KDM2A: variants seen among roughly 807,000 people sequenced by gnomAD.
KDM2A encodes lysine-specific demethylase 2A.
KDM2A carries 3 observed loss-of-function variants against 137.3 expected under a neutral mutation model. That is an observed-to-expected ratio of 0.02 (90% CI 0.01 to 0.06). The LOEUF (loss-of-function observed/expected upper bound fraction) is 0.06, where lower values mean the gene tolerates loss of function less well. KDM2A is among the 10% of genes least tolerant of loss of function. The pLI is 1.00. For missense variants in KDM2A, 738 were observed against 1,510.6 expected, an observed-to-expected ratio of 0.49 and a Z score of 8.48; for synonymous variants, 512 against 541.5, an observed-to-expected ratio of 0.95 and a Z score of 0.76.
chr11:67,136,954 A>G (rs987379473), intron 2 of KDM2A, among the ~76,000 whole-genome samples: 1 of 152,236 alleles, frequency 6.6e-6, no homozygotes, highest in Non-Finnish European at 1.5e-5. Flanking sequence ...CAGTAACAGT[A>G]TATGATAGAG....
chr11:67,200,758 C>T (rs1191227956), intron 5 of KDM2A, among the ~76,000 whole-genome samples: 1 of 152,178 alleles, frequency 6.6e-6, no homozygotes, highest in African/African-American at 2.4e-5. Context: ...TTGCCTGCCT[C>T]AGCTTCCCAA....
At chr11:67,192,443 T>G (rs1043562440) in intron 5 of KDM2A, among the ~76,000 whole-genome samples, 2 of 125,872 alleles carry the variant, frequency 1.6e-5, no homozygotes, top group Non-Finnish European at 3.2e-5. Context: ...CTTTTTTTTT[T>G]TTTTTTTTTT....
intron 2 of KDM2A, among the ~76,000 whole-genome samples, chr11:67,157,090 G>A (rs374218955): frequency 1.3e-5 from 2 of 152,084 alleles, no homozygotes; most frequent in South Asian, 2.1e-4. Flanking sequence ...GAGAAGGGCC[G>A]ATCACGAGGT....
At chr11:67,127,239 G>A (rs577887699) in intron 2 of KDM2A, among the ~76,000 whole-genome samples, 1 of 152,266 alleles carries the variant, frequency 6.6e-6, no homozygotes, top group South Asian at 2.1e-4. Context: ...CTACAGGCAT[G>A]CATGTGCCAC....
chr11:67,245,212 G>A lies in KDM2A; in HGVS notation c.1587G>A (p.Lys529=). 2 of 1,613,456 alleles carry A rather than the reference G, an allele frequency of 1.2e-6. No individual in the cohort carries two copies. Among genetic ancestry groups the A allele is most frequent in the Non-Finnish European group, 1.7e-6 (2 of 1,179,460 alleles). Residue 529 remains lysine (K), a synonymous_variant, in exon 14 of 21, where the codon AAG becomes AAA. Coordinates refer to ENST00000529006, the MANE Select transcript of KDM2A (RefSeq NM_012308.3). This position sits in a 1 kb window ranked among gnomAD's most constrained non-coding sequence, Gnocchi z 4.1. ...RDKLKFPTRP[K]VRVPTIPITK... is the part of the protein sequence containing the mutation. ...AGCTTAAATTCCCCACTCGGCCAAAGGTGCGGGTTCCTACCATCCCCATTA... is the reference window on the plus strand; with the variant it reads ...AGCTTAAATTCCCCACTCGGCCAAAAGTGCGGGTTCCTACCATCCCCATTA...
At chr11:67,127,149 G>C (rs1855749058) in intron 2 of KDM2A, among the ~76,000 whole-genome samples, 1 of 152,136 alleles carries the variant, frequency 6.6e-6, no homozygotes, top group African/African-American at 2.4e-5. Context: ...CCAGGCTAGA[G>C]TGCAGTGGTG....
chr11:67,217,609 C>G (rs1315049032), intron 8 of KDM2A, 122 bp from the exon 9 acceptor site: 1 of 898,526 alleles, frequency 1.1e-6, no homozygotes, highest in Non-Finnish European at 1.8e-6. Flanking sequence ...GTTCTATAGG[C>G]TGGGAAAATT....
In KDM2A at chr11:67,254,142, G is replaced by C; in HGVS notation, c.3092-61G>C. The C allele has an allele frequency of 6.8e-7, 1 of 1,481,132 alleles. No homozygotes were observed. The highest frequency in any genetic ancestry group is 9.2e-7 in the Non-Finnish European group (1 of 1,083,638). 91.7% of individuals were successfully genotyped at this position (1,481,132 alleles called of 1,614,324 possible). On this transcript the variant is annotated intron_variant, in intron 19 of 20. Coordinates refer to ENST00000529006, the MANE Select transcript of KDM2A (RefSeq NM_012308.3). The surrounding 1 kb of genome is among the most constrained non-coding windows in gnomAD (Gnocchi z 4.7). Reference sequence around the variant, plus strand: ...CAGCAAGTAGCTGTTGCTGCCTGGAGCCTTGAAGCTGGATTAGAGAATTGA... The same window carrying C: ...CAGCAAGTAGCTGTTGCTGCCTGGACCCTTGAAGCTGGATTAGAGAATTGA...
chr11:67,160,500 C>T (rs1035281446), intron 2 of KDM2A, among the ~76,000 whole-genome samples: 1 of 152,028 alleles, frequency 6.6e-6, no homozygotes, highest in East Asian at 1.9e-4. Flanking sequence ...GGGCCGGGTG[C>T]GATGTTCACA....
intron 13 of KDM2A, 52 bp downstream of exon 13, chr11:67,243,144 G>T: frequency 7.7e-7 from 1 of 1,303,642 alleles, no homozygotes; most frequent in South Asian, 1.2e-5. Context: ...TTTGTTAGTT[G>T]ATCATTACCA....
intron 6 of KDM2A, among the ~76,000 whole-genome samples, chr11:67,209,610 AT>A (rs772685098): frequency 1.3e-5 from 2 of 151,482 alleles, no homozygotes; most frequent in Admixed American, 6.6e-5. Flanking sequence ...CACCCGGCTA[AT>A]TTTTGTATTT....
intron 2 of KDM2A, among the ~76,000 whole-genome samples, chr11:67,160,060 C>T (rs1851707347): frequency 6.6e-6 from 1 of 152,148 alleles, no homozygotes; most frequent in Non-Finnish European, 1.5e-5. Context: ...ACTGTGATGG[C>T]ATACCACTGA....
chr11:67,222,826 T>C (rs1233120304), intron 10 of KDM2A, among the ~76,000 whole-genome samples: 1 of 150,160 alleles, frequency 6.7e-6, no homozygotes, highest in African/African-American at 2.5e-5. Context: ...AAAATACATA[T>C]TCAGTAACAT....
intron 2 of KDM2A, among the ~76,000 whole-genome samples, chr11:67,167,077 CA>C (rs949847873): frequency 2.0e-5 from 3 of 150,648 alleles, no homozygotes; most frequent in Non-Finnish European, 4.4e-5. Context: ...GACTCTGCCT[CA>C]AAAAAAAATT....
chr11:67,190,360 A>G (rs1297694447), intron 5 of KDM2A, among the ~76,000 whole-genome samples: 3 of 152,186 alleles, frequency 2.0e-5, no homozygotes, highest in East Asian at 3.9e-4. Context: ...CAGCGAGCCA[A>G]GATTGCACCA....
intron 6 of KDM2A, among the ~76,000 whole-genome samples, chr11:67,208,237 A>T (rs896723315): frequency 2.6e-4 from 39 of 151,018 alleles, no homozygotes; most frequent in African/African-American, 7.5e-4. Flanking sequence ...TATTATTATT[A>T]AAAAAATTTT....
chr11:67,255,215 T>A lies in KDM2A; in HGVS notation c.*160T>A. ...TCCTCTACAGGTGGGGCAGAGAGGG[T>A]GGTGGACACCAGGCTTATCTGCCTG... On this transcript the variant is annotated 3_prime_UTR_variant, in exon 21 of 21. Transcript: ENST00000529006. 1 of 645,640 alleles carries A rather than the reference T, an allele frequency of 1.5e-6. No individual in the cohort carries two copies. The allele number at this position is 645,640 out of a possible 1,614,324, so 40.0% of individuals were successfully genotyped here.
rs527377318 is a variant in KDM2A at position 67,177,942 on chromosome 11, A to G, written c.43-2137A>G. 2.6e-5 allele frequency among the ~76,000 whole-genome samples: 4 copies of G among 152,276 alleles called. No individual in the cohort carries two copies. In the East Asian group the frequency reaches 7.7e-4, roughly 29 times the overall value. Reference sequence around the variant, plus strand: ...TAAGAGATAAGCATTTTTTAGTTCTACTGTAATCTCATGGGAACACTGTCA... The same window carrying G: ...TAAGAGATAAGCATTTTTTAGTTCTGCTGTAATCTCATGGGAACACTGTCA... On this transcript the variant is annotated intron_variant, in intron 2 of 20. Transcript: ENST00000529006.
chr11:67,224,259 T>G (rs1464195279), intron 10 of KDM2A, among the ~76,000 whole-genome samples: 1 of 152,160 alleles, frequency 6.6e-6, no homozygotes, highest in Non-Finnish European at 1.5e-5. Flanking sequence ...AGGAGCTGCA[T>G]ATTCAAAACA....
Sources: gnomAD v4.1 joint callset for allele counts (sites outside exome capture counted in the v4.1 genomes callset) on GRCh38, gnomAD v4.1.1 for gene constraint, Gnocchi (gnomAD v3.1) non-coding constraint, MANE v1.5 for transcripts, NCBI Gene and HGNC (gene_info 2026-07-23, HGNC 2026-07-21) for gene names.